The following ZNF804A variants were observed in gnomAD, a reference collection of about 807,000 sequenced individuals.
The protein encoded by ZNF804A is zinc finger protein 804A.
A neutral mutation model predicts 16.5 loss-of-function variants in ZNF804A; 2 were observed. That is an observed-to-expected ratio of 0.12 (90% confidence interval 0.05 to 0.38). ZNF804A has a LOEUF of 0.38. ZNF804A is among the 10% of genes least tolerant of loss of function. ZNF804A has a pLI of 0.99. For missense variants in ZNF804A, 1,473 were observed against 1,390.7 expected, an observed-to-expected ratio of 1.06 and a Z score of -0.94; for synonymous variants, 534 against 489.6, an observed-to-expected ratio of 1.09 and a Z score of -1.20.
chr2:184,795,470 GAAAGAGTAC>G, intron 1 of ZNF804A, among the ~76,000 whole-genome samples: 1 of 152,000 alleles, frequency 6.6e-6, no homozygotes, highest in Non-Finnish European at 1.5e-5. Context: ...CAAAAAGTCT[GAAAGAGTAC>G]AAACAGACAA....
chr2:184,765,604 C>T (rs1273385926), intron 1 of ZNF804A, among the ~76,000 whole-genome samples: 1 of 127,502 alleles, frequency 7.8e-6, no homozygotes, highest in Non-Finnish European at 1.6e-5. Flanking sequence ...CCCTCACATG[C>T]ACCCCCCCCC....
At chr2:184,642,339 A>G (rs1691807575) in intron 1 of ZNF804A, among the ~76,000 whole-genome samples, 1 of 152,060 alleles carries the variant, frequency 6.6e-6, no homozygotes, top group Admixed American at 6.6e-5. Flanking sequence ...TCTACTCTCC[A>G]TTCATATCCT....
intron 1 of ZNF804A, among the ~76,000 whole-genome samples, chr2:184,625,929 C>T (rs1691488362): frequency 6.6e-6 from 1 of 152,140 alleles, no homozygotes; most frequent in Non-Finnish European, 1.5e-5. Context: ...AGTGCAGTGG[C>T]ATGATCTCTG....
chr2:184,876,215 A>G (rs535779094), intron 2 of ZNF804A, among the ~76,000 whole-genome samples: 54 of 152,344 alleles, frequency 3.5e-4, no homozygotes, highest in Non-Finnish European at 7.1e-4. Flanking sequence ...TGAGCATTTC[A>G]TAATAATTTA....
At chr2:184,870,478 A>G (rs559863416) in intron 2 of ZNF804A, among the ~76,000 whole-genome samples, 14 of 152,102 alleles carry the variant, frequency 9.2e-5, no homozygotes, top group African/African-American at 3.1e-4. Context: ...TAAAGGAGGA[A>G]ATATCATGAA....
At chr2:184,700,560 T>C (rs937256178) in intron 1 of ZNF804A, among the ~76,000 whole-genome samples, 3 of 152,088 alleles carry the variant, frequency 2.0e-5, no homozygotes, top group Non-Finnish European at 4.4e-5. Flanking sequence ...AAATGACTTA[T>C]GAACTGACAT....
At chr2:184,618,396 A>G (rs1272431862) in intron 1 of ZNF804A, among the ~76,000 whole-genome samples, 1 of 152,198 alleles carries the variant, frequency 6.6e-6, no homozygotes, top group Non-Finnish European at 1.5e-5. Context: ...CAATTAGATT[A>G]TATACGCACG....
At chr2:184,636,549 C>CTG (rs71011052) in intron 1 of ZNF804A, among the ~76,000 whole-genome samples, 7,223 of 138,292 alleles carry the variant, frequency 0.052, 281 homozygotes, top group East Asian at 0.12. Flanking sequence ...GGCTCTAGGG[C>CTG]TGTGTGTGTG....
intron 1 of ZNF804A, among the ~76,000 whole-genome samples, chr2:184,714,445 T>A (rs578224293): frequency 6.6e-6 from 1 of 152,244 alleles, no homozygotes; most frequent in South Asian, 2.1e-4. Flanking sequence ...TTCATTTTTA[T>A]GTTAAAATAT....
At chr2:184,805,737 C>T (rs1174165078) in intron 1 of ZNF804A, among the ~76,000 whole-genome samples, 2 of 151,862 alleles carry the variant, frequency 1.3e-5, no homozygotes, top group African/African-American at 2.4e-5. Context: ...ACTAAGGAAA[C>T]GTGCAAATAT....
At chr2:184,672,884 G>A (rs1269151185) in intron 1 of ZNF804A, among the ~76,000 whole-genome samples, 2 of 152,134 alleles carry the variant, frequency 1.3e-5, no homozygotes, top group African/African-American at 4.8e-5. Context: ...TGGGACTACA[G>A]GCATCCGCCA....
chr2:184,624,379 T>C (rs1215670252), intron 1 of ZNF804A, among the ~76,000 whole-genome samples: 1 of 152,174 alleles, frequency 6.6e-6, no homozygotes, highest in Non-Finnish European at 1.5e-5. Context: ...GTCTTTCATC[T>C]CACTTTGATA....
chr2:184,909,071 C>T (rs894292110), intron 2 of ZNF804A, among the ~76,000 whole-genome samples: 19 of 152,058 alleles, frequency 1.2e-4, no homozygotes, highest in Non-Finnish European at 2.9e-5. Flanking sequence ...TGTTCAAACT[C>T]ATAAGCTGAT....
At chr2:184,786,032 G>T (rs1237934363) in intron 1 of ZNF804A, among the ~76,000 whole-genome samples, 1 of 151,950 alleles carries the variant, frequency 6.6e-6, no homozygotes, top group Non-Finnish European at 1.5e-5. Flanking sequence ...CAAATTCCCA[G>T]TGTATGAAAA....
intron 1 of ZNF804A, among the ~76,000 whole-genome samples, chr2:184,833,879 TA>T (rs1365669077): frequency 6.6e-6 from 1 of 152,030 alleles, no homozygotes; most frequent in South Asian, 2.1e-4. Context: ...ACTTAGAGTA[TA>T]AAAAAATTAT....
chr2:184,890,195 AGCT>A (rs1684958900), intron 2 of ZNF804A, among the ~76,000 whole-genome samples: 2 of 152,194 alleles, frequency 1.3e-5, no homozygotes, highest in Admixed American at 1.3e-4. Flanking sequence ...TTCTTTTTAT[AGCT>A]GACTGGTAAT....
chr2:184,746,800 A>G (rs978544638), intron 1 of ZNF804A, among the ~76,000 whole-genome samples: 1 of 151,388 alleles, frequency 6.6e-6, no homozygotes, highest in Non-Finnish European at 1.5e-5. Flanking sequence ...AGAATATGCA[A>G]CATTTTTCTT....
chr2:184,832,981 A>T (rs1044950965), intron 1 of ZNF804A, among the ~76,000 whole-genome samples: 5 of 151,992 alleles, frequency 3.3e-5, no homozygotes, highest in Admixed American at 6.6e-5. Context: ...TATTGGACTT[A>T]TGCAAGAATT....
At chr2:184,707,748 G>T (rs1203125654) in intron 1 of ZNF804A, among the ~76,000 whole-genome samples, 3 of 151,956 alleles carry the variant, frequency 2.0e-5, no homozygotes, top group Non-Finnish European at 2.9e-5. Context: ...TTGCATTTTT[G>T]AATATATGTG....
Sources: gnomAD v4.1 joint callset for allele counts (sites outside exome capture counted in the v4.1 genomes callset) on GRCh38, gnomAD v4.1.1 for gene constraint, MANE v1.5 for transcripts, NCBI Gene and HGNC (gene_info 2026-07-23, HGNC 2026-07-21) for gene names.